The following PBX1 variants were observed in gnomAD, a reference collection of about 807,000 sequenced individuals.
PBX1 encodes the protein PBX homeobox 1, also known as pre-B-cell leukemia transcription factor 1.
In PBX1, 6 loss-of-function variants were observed where a neutral mutation model predicts 53.4. The observed-to-expected ratio is 0.11, with a 90% CI of 0.06 to 0.22. PBX1 has a LOEUF of 0.22. PBX1 is among the 10% of genes least tolerant of loss of function. PBX1 has a pLI of 1.00. For missense variants in PBX1, 251 were observed against 551.4 expected (o/e 0.46, Z 5.46); for synonymous variants, 204 against 212.3 (o/e 0.96, Z 0.34).
At chr1:164,766,039 C>G (rs1667045039) in intron 2 of PBX1, among the ~76,000 whole-genome samples, 1 of 152,122 alleles carries the variant, frequency 6.6e-6, no homozygotes, top group Admixed American at 6.6e-5. Context: ...ATGGGTAACT[C>G]TCATTTGGCA....
intron 2 of PBX1, among the ~76,000 whole-genome samples, chr1:164,782,681 G>A (rs1016091353): frequency 6.6e-6 from 1 of 152,194 alleles, no homozygotes. Context: ...AACTAGTTCT[G>A]TTCCTATTCA....
intron 2 of PBX1, chr1:164,684,205 T>C (rs1051386922): frequency 6.6e-6 from 1 of 152,250 alleles, no homozygotes; most frequent in Non-Finnish European, 1.5e-5. Flanking sequence ...TGAATATCCT[T>C]GTGAATTCCT....
chr1:164,776,416 TC>T (rs1159469864), intron 2 of PBX1, among the ~76,000 whole-genome samples: 1 of 152,188 alleles, frequency 6.6e-6, no homozygotes, highest in Non-Finnish European at 1.5e-5. Context: ...CTGTGCTATG[TC>T]CTCACTGCTG....
At position 164,851,016 on chromosome 1, in the gene PBX1, G is replaced by T. The variant is rs1671811857; in HGVS notation, c.*4340G>T. 4.5e-6 allele frequency: 1 copy of T among 222,940 alleles called. No individual in the cohort carries two copies. Among genetic ancestry groups the T allele is most frequent in the Non-Finnish European group, 9.0e-6 (1 of 111,556 alleles). The allele number at this position is 222,940 out of a possible 1,614,324, so 13.8% of individuals were successfully genotyped here. ...AAACTACATGCAGGAAGAAGTCCTT[G>T]GGGCCAGTCTGCCAGCTGAGTCCTG... is the stretch of plus-strand genomic sequence containing the variant. On this transcript the variant is annotated 3_prime_UTR_variant, in exon 9 of 9. Transcript: ENST00000420696.
chr1:164,573,937 G>T (rs1373760871), intron 2 of PBX1, among the ~76,000 whole-genome samples: 4 of 152,174 alleles, frequency 2.6e-5, no homozygotes, highest in Non-Finnish European at 5.9e-5. Flanking sequence ...TTTACATTCT[G>T]AGGAAGATAC....
intron 8 of PBX1, among the ~76,000 whole-genome samples, chr1:164,837,315 A>G (rs1239055973): frequency 6.6e-6 from 1 of 152,210 alleles, no homozygotes; most frequent in Non-Finnish European, 1.5e-5. Context: ...AGCCAATCAG[A>G]TAATTTATAT....
At chr1:164,860,702 T>G (rs1296280736) in intron 2 of PBX1, among the ~76,000 whole-genome samples, 1 of 152,156 alleles carries the variant, frequency 6.6e-6, no homozygotes, top group Non-Finnish European at 1.5e-5. Context: ...TATCCACCTC[T>G]CCACTGAGCT....
intron 2 of PBX1, among the ~76,000 whole-genome samples, chr1:164,623,469 T>C (rs2101859122): frequency 6.6e-6 from 1 of 152,366 alleles, no homozygotes; most frequent in South Asian, 2.1e-4. Context: ...CTTCTTCTGC[T>C]TAGAGCCTTG....
intron 2 of PBX1, among the ~76,000 whole-genome samples, chr1:164,620,596 A>G (rs927155832): frequency 3.3e-5 from 5 of 152,160 alleles, no homozygotes; most frequent in African/African-American, 1.2e-4. Context: ...GGTGCTGAGT[A>G]GGTTGCTGAA....
At chr1:164,844,738 C>CAT in intron 8 of PBX1, among the ~76,000 whole-genome samples, 1 of 152,138 alleles carries the variant, frequency 6.6e-6, no homozygotes, top group East Asian at 1.9e-4. Flanking sequence ...TGGGAGGCTA[C>CAT]AATATTATCA....
rs1664947452 is a variant in PBX1, at chr1:164,730,980, A to G, written c.266-61514A>G. ...GTTTTGTTGTTTAATGTGCAAAAACATAATGCATAGAGGGGTAGCATTCAT... is the reference window on the plus strand; with the variant it reads ...GTTTTGTTGTTTAATGTGCAAAAACGTAATGCATAGAGGGGTAGCATTCAT... On this transcript the variant is annotated intron_variant, in intron 2 of 8. Transcript: ENST00000420696. Among the ~76,000 whole-genome samples the G allele has an allele frequency of 2.6e-5, 4 of 152,352 alleles. No individual in the cohort carries two copies. The South Asian group carries it at 6.2e-4, about 24-fold the overall frequency.
intron 2 of PBX1, among the ~76,000 whole-genome samples, chr1:164,661,065 C>G (rs1275130216): frequency 1.3e-5 from 2 of 152,188 alleles, no homozygotes; most frequent in Non-Finnish European, 2.9e-5. Flanking sequence ...TGTGCCTGTT[C>G]ACCTTATTTA....
intron 2 of PBX1, among the ~76,000 whole-genome samples, chr1:164,880,029 G>C (rs1374155296): frequency 1.3e-5 from 2 of 152,154 alleles, no homozygotes; most frequent in Non-Finnish European, 2.9e-5. Context: ...AAACCGTTGT[G>C]CCTCTCTGGC....
chr1:164,594,397 C>T (rs967488062), intron 2 of PBX1, among the ~76,000 whole-genome samples: 20 of 152,070 alleles, frequency 1.3e-4, no homozygotes, highest in African/African-American at 3.9e-4. Flanking sequence ...TGGGTTCAAG[C>T]GATTCTCCTG....
intron 2 of PBX1, among the ~76,000 whole-genome samples, chr1:164,662,900 T>TGAACTA (rs1243862772): frequency 3.3e-4 from 51 of 152,300 alleles, no homozygotes; most frequent in African/African-American, 1.2e-3. Context: ...TTCTTACTCC[T>TGAACTA]GAACTAGAAC....
At chr1:164,769,269 T>G (rs1048824459) in intron 2 of PBX1, 1 of 152,174 alleles carries the variant, frequency 6.6e-6, no homozygotes, top group Non-Finnish European at 1.5e-5. Flanking sequence ...GGATCTGTAC[T>G]TGGGGTACAT....
At chr1:164,878,931 CT>C in intron 2 of PBX1, among the ~76,000 whole-genome samples, 1 of 152,252 alleles carries the variant, frequency 6.6e-6, no homozygotes, top group South Asian at 2.1e-4. Flanking sequence ...CATAATCTGC[CT>C]TTCTGGAAGC....
intron 2 of PBX1, among the ~76,000 whole-genome samples, chr1:164,576,359 A>C (rs1175800690): frequency 2.6e-5 from 4 of 152,308 alleles, no homozygotes; most frequent in African/African-American, 7.2e-5. Flanking sequence ...CGCGCAGCAT[A>C]GAGGACGCTT....
In PBX1 at chr1:164,849,982, G is replaced by A. The variant is rs1319087628; in HGVS notation, c.*3306G>A. 2.2e-5 allele frequency: 5 copies of A among 226,614 alleles called. No homozygotes were observed. The highest frequency in any genetic ancestry group is 6.4e-5 in the East Asian group (1 of 15,714). 14.0% of individuals were successfully genotyped at this position (226,614 alleles called of 1,614,324 possible). The stretch of plus-strand genomic sequence containing the variant: ...CATTGTTTCTTGCGACTTGTGTCTC[G>A]TTCTTTGTAGTATTGATGATGAACA... On this transcript the variant is annotated 3_prime_UTR_variant, in exon 9 of 9. Coordinates refer to ENST00000420696, the MANE Select transcript of PBX1 (RefSeq NM_002585.4).
Sources: allele counts gnomAD v4.1 joint callset (sites outside exome capture counted in the v4.1 genomes callset), GRCh38; gene constraint gnomAD v4.1.1; transcripts MANE v1.5; gene names NCBI Gene and HGNC (gene_info 2026-07-23, HGNC 2026-07-21).